ABL1: variants seen among roughly 807,000 people sequenced by gnomAD.
The protein encoded by ABL1 is ABL proto-oncogene 1, non-receptor tyrosine kinase.
ABL1 carries 11 observed loss-of-function variants against 94.7 expected under a neutral mutation model. The ratio of observed to expected loss-of-function variants is 0.12; its 90% confidence interval spans 0.07 to 0.19. The LOEUF is 0.19. ABL1 is among the 10% of genes least tolerant of loss of function. ABL1 has a pLI of 1.00. For synonymous variants in ABL1, 656 were observed against 622.4 expected (o/e 1.05, Z -0.80); for missense variants, 1,082 against 1,489.4 (o/e 0.73, Z 4.50).
intron 1 of ABL1, among the ~76,000 whole-genome samples, chr9:130,825,230 GT>G (rs1476073764): frequency 6.6e-6 from 1 of 152,088 alleles, no homozygotes; most frequent in Non-Finnish European, 1.5e-5. Context: ...TCCCTGCTGG[GT>G]TTTACACTGT....
chr9:130,781,222 G>A lies in ABL1; in HGVS notation c.136+66767G>A, dbSNP rs370600992. On this transcript the variant is annotated intron_variant, in intron 1 of 10. Coordinates refer to the ABL1 transcript ENST00000372348. ...TCACAGAAAACCCTTCTTGAGTGGC[G>A]TACCTTAAACACATGTAGAATGATT... 3.9e-5 allele frequency among the ~76,000 whole-genome samples: 6 copies of A among 152,146 alleles called. No individual in the cohort carries two copies. In the South Asian group the frequency reaches 6.2e-4, roughly 16 times the overall value.
rs1291071809 is a variant in ABL1 at position 130,862,310 on chromosome 9, G to A, written c.550-453G>A. ...TGAAGCTTGCATGCTCTTAGGTGGA[G>A]ACAGACAGTAATTAAGCAGATAAAC... On this transcript the variant is annotated intron_variant, in intron 3 of 10. Coordinates refer to ENST00000318560, the MANE Select transcript of ABL1 (RefSeq NM_005157.6). This position sits in a 1 kb window ranked among gnomAD's most constrained non-coding sequence, Gnocchi z 5.5. 6.6e-6 allele frequency among the ~76,000 whole-genome samples: 1 copy of A among 152,190 alleles called. No individual in the cohort carries two copies. Among genetic ancestry groups the A allele is most frequent in the East Asian group, 1.9e-4 (1 of 5,200 alleles).
intron 1 of ABL1, among the ~76,000 whole-genome samples, chr9:130,779,286 C>T (rs898345983): frequency 6.6e-6 from 1 of 152,176 alleles, no homozygotes; most frequent in African/African-American, 2.4e-5. Context: ...GTAGTTAGGG[C>T]AACGAAGATC....
At chr9:130,875,509 G>C (rs1831325713) in intron 7 of ABL1, among the ~76,000 whole-genome samples, 2 of 151,172 alleles carry the variant, frequency 1.3e-5, no homozygotes, top group South Asian at 4.2e-4. Flanking sequence ...CAGTGTATCT[G>C]CTGATCTGTT....
intron 1 of ABL1, among the ~76,000 whole-genome samples, chr9:130,802,432 T>G (rs1397096563): frequency 1.3e-5 from 2 of 152,236 alleles, no homozygotes; most frequent in African/African-American, 4.8e-5. Context: ...TTGGTTAATT[T>G]CTACTCATCT....
Position 130,884,633 on chromosome 9 carries a change from G to A in ABL1, c.2343G>A (p.Thr781=), listed in dbSNP as rs1027888357. 19 of 1,613,216 alleles carry A rather than the reference G, an allele frequency of 1.2e-5. No individual in the cohort carries two copies. Among genetic ancestry groups the A allele is most frequent in the Admixed American group, 5.0e-5 (3 of 60,004 alleles). The part of the protein sequence containing the change: ...RSDQVTRGTV[T]PPPRLVKKNE... Reference sequence around the variant, plus strand: ...ACCAGGTGACCCGAGGCACAGTAACGCCTCCCCCCAGGCTGGTGAAAAAGA... The same window carrying A: ...ACCAGGTGACCCGAGGCACAGTAACACCTCCCCCCAGGCTGGTGAAAAAGA... The change falls in exon 11 of 11, where the codon ACG becomes ACA. Residue 781 remains threonine, a synonymous_variant. Transcript: ENST00000318560. The surrounding 1 kb of genome is among the most constrained non-coding windows in gnomAD (Gnocchi z 5.6).
chr9:130,726,946 G>T (rs1256293813), intron 1 of ABL1, among the ~76,000 whole-genome samples: 2 of 152,164 alleles, frequency 1.3e-5, no homozygotes, highest in African/African-American at 4.8e-5. Flanking sequence ...TATTATCAAA[G>T]TGTTTGATTT....
intron 1 of ABL1, among the ~76,000 whole-genome samples, chr9:130,802,769 G>C (rs1047638717): frequency 6.6e-6 from 1 of 152,276 alleles, no homozygotes; most frequent in African/African-American, 2.4e-5. Context: ...GGTAGTTCTG[G>C]ATTGTTTACT....
intron 1 of ABL1, among the ~76,000 whole-genome samples, chr9:130,750,962 A>G (rs1326578208): frequency 2.0e-5 from 3 of 151,028 alleles, no homozygotes; most frequent in Admixed American, 1.3e-4. Flanking sequence ...CTCTTTTTCT[A>G]TTCAGCTTTT....
At chr9:130,736,652 C>T (rs1241873270) in intron 1 of ABL1, among the ~76,000 whole-genome samples, 2 of 151,780 alleles carry the variant, frequency 1.3e-5, no homozygotes, top group African/African-American at 2.4e-5. Flanking sequence ...CCACCACACC[C>T]GGCTAATTTT....
At chr9:130,737,611 G>A (rs1275112079) in intron 1 of ABL1, among the ~76,000 whole-genome samples, 3 of 152,110 alleles carry the variant, frequency 2.0e-5, no homozygotes, top group Admixed American at 1.3e-4. Flanking sequence ...GGTTTAAGGA[G>A]CTTTTATGTT....
At chr9:130,798,863 C>T (rs908509232) in intron 1 of ABL1, among the ~76,000 whole-genome samples, 1 of 149,890 alleles carries the variant, frequency 6.7e-6, no homozygotes, top group African/African-American at 2.5e-5. Flanking sequence ...CCCAGCTACT[C>T]GGGAGGCTGA....
At chr9:130,810,101 A>C (rs1216951164) in intron 1 of ABL1, among the ~76,000 whole-genome samples, 1 of 152,234 alleles carries the variant, frequency 6.6e-6, no homozygotes, top group African/African-American at 2.4e-5. Context: ...ACCAGAAATG[A>C]GACAGATTAT....
chr9:130,750,188 AATACAT>A (rs1831937648), intron 1 of ABL1, among the ~76,000 whole-genome samples: 1 of 81,852 alleles, frequency 1.2e-5, no homozygotes, highest in Non-Finnish European at 2.1e-5. Context: ...AGAAAAAAAA[AATACAT>A]ATATATATAT....
chr9:130,794,091 G>A lies in ABL1; in HGVS notation c.137-59973G>A, dbSNP rs1236844560. ...AATGTAATAATAATATAAATAAAGTGCACAATAAATGTAATGCACTTGAAT... is the reference window on the plus strand; with the variant it reads ...AATGTAATAATAATATAAATAAAGTACACAATAAATGTAATGCACTTGAAT... On this transcript the variant is annotated intron_variant, in intron 1 of 10. Coordinates refer to the ABL1 transcript ENST00000372348. 3.9e-5 allele frequency among the ~76,000 whole-genome samples: 6 copies of A among 152,008 alleles called. No individual in the cohort carries two copies. In the East Asian group the frequency reaches 1.2e-3, roughly 29 times the overall value.
chr9:130,725,824 G>GTTT (rs34517462), intron 1 of ABL1, among the ~76,000 whole-genome samples: 10 of 76,002 alleles, frequency 1.3e-4, no homozygotes, highest in Non-Finnish European at 2.2e-4. Flanking sequence ...GTGTATGGTG[G>GTTT]TTTTTTTTTT....
At chr9:130,769,755 CAT>C (rs1404538935) in intron 1 of ABL1, among the ~76,000 whole-genome samples, 1 of 152,068 alleles carries the variant, frequency 6.6e-6, no homozygotes, top group African/African-American at 2.4e-5. Context: ...TTGACAAATA[CAT>C]ACACTTGTGA....
intron 1 of ABL1, among the ~76,000 whole-genome samples, chr9:130,828,165 G>T (rs1830450329): frequency 6.6e-6 from 1 of 151,806 alleles, no homozygotes; most frequent in African/African-American, 2.4e-5. Flanking sequence ...GCTCACTGCA[G>T]CCCCAACCTG....
Position 130,835,402 on chromosome 9 carries a change from G to A in ABL1, c.-45G>A. On this transcript the variant is annotated 5_prime_UTR_variant, in exon 1 of 11. Transcript: ENST00000318560. This position sits in a 1 kb window ranked among gnomAD's most constrained non-coding sequence, Gnocchi z 4.6. ...CGGGCCTGAGCCGGGCCCGCGGACC[G>A]AGCTGGGAGAGGGGTTCCGGCCCCC... The A allele has an allele frequency of 7.2e-7, 1 of 1,395,664 alleles. No homozygotes were observed. The highest frequency in any genetic ancestry group is 9.6e-7 in the Non-Finnish European group (1 of 1,044,934). The allele number at this position is 1,395,664 out of a possible 1,614,324, so 86.5% of individuals were successfully genotyped here.
Sources: allele counts gnomAD v4.1 joint callset (sites outside exome capture counted in the v4.1 genomes callset), GRCh38; gene constraint gnomAD v4.1.1; non-coding constraint Gnocchi (gnomAD v3.1); transcripts MANE v1.5; gene names NCBI Gene and HGNC (gene_info 2026-07-23, HGNC 2026-07-21).